CSMD1: variants seen among roughly 807,000 people sequenced by gnomAD.
The protein encoded by CSMD1 is CUB and sushi domain-containing protein 1.
CSMD1 carries 213 observed loss-of-function variants against 417.5 expected under a neutral mutation model. That is an observed-to-expected ratio of 0.51 (90% CI 0.46 to 0.57). CSMD1 has a LOEUF of 0.57. Ranked by LOEUF, CSMD1 falls within the 20% of genes least tolerant of loss-of-function variation. The pLI, the probability that CSMD1 is intolerant of heterozygous loss-of-function variation, is 0.00. For synonymous variants in CSMD1, 2,862 were observed against 1,736.8 expected (o/e 1.65, Z -16.11); for missense variants, 6,923 against 4,529.7 (o/e 1.53, Z -15.17).
Position 4,278,991 on chromosome 8 carries a change from TA to T in CSMD1, c.415+140961del, listed in dbSNP as rs1796636379. On this transcript the variant is annotated intron_variant, in intron 3 of 69. Coordinates refer to ENST00000635120, the MANE Select transcript of CSMD1 (RefSeq NM_033225.6). ...ATATGAAATAAGATTGCTATATTGT[TA>T]TAACTATTTACTGACAGTTGTTAAA... 2.0e-5 allele frequency among the ~76,000 whole-genome samples: 3 copies of T among 152,226 alleles called. 1 individual carries two copies. In the South Asian group the frequency reaches 6.2e-4, roughly 31 times the overall value.
chr8:4,355,514 G>C (rs150219322), intron 3 of CSMD1, among the ~76,000 whole-genome samples: 2 of 152,256 alleles, frequency 1.3e-5, no homozygotes, highest in South Asian at 2.1e-4. Flanking sequence ...ACATTCAGTA[G>C]TTTAGTAAAG....
chr8:4,051,269 A>G (rs1389183079), intron 3 of CSMD1, among the ~76,000 whole-genome samples: 1 of 151,220 alleles, frequency 6.6e-6, no homozygotes, highest in Non-Finnish European at 1.5e-5. Context: ...CAACAGTTTT[A>G]CAAAGCCTGC....
intron 1 of CSMD1, among the ~76,000 whole-genome samples, chr8:4,872,282 G>C (rs1038287928): frequency 6.6e-6 from 1 of 151,972 alleles, no homozygotes; most frequent in Non-Finnish European, 1.5e-5. Context: ...GCCTGATATG[G>C]TTAGGCTTTG....
intron 2 of CSMD1, among the ~76,000 whole-genome samples, chr8:4,562,199 C>A (rs1798372960): frequency 6.6e-6 from 1 of 152,306 alleles, no homozygotes; most frequent in Admixed American, 6.5e-5. Context: ...TAGAAACAGA[C>A]ACTTGAGCCA....
At chr8:3,961,986 C>G (rs1235433587) in intron 5 of CSMD1, among the ~76,000 whole-genome samples, 1 of 152,164 alleles carries the variant, frequency 6.6e-6, no homozygotes, top group African/African-American at 2.4e-5. Context: ...CAAAACATCA[C>G]AAAGTTGCAC....
chr8:4,351,744 C>A (rs1209128583), intron 3 of CSMD1, among the ~76,000 whole-genome samples: 2 of 152,106 alleles, frequency 1.3e-5, no homozygotes, highest in Non-Finnish European at 2.9e-5. Context: ...CTAGGTTGAG[C>A]AAGACCCACT....
intron 4 of CSMD1, among the ~76,000 whole-genome samples, chr8:4,006,491 C>G (rs1039342270): frequency 1.3e-5 from 2 of 152,092 alleles, no homozygotes; most frequent in African/African-American, 4.8e-5. Context: ...TTGCAGTGAG[C>G]CAAGATCACC....
intron 10 of CSMD1, among the ~76,000 whole-genome samples, chr8:3,511,400 G>C (rs10101471): frequency 0.025 from 3,727 of 151,516 alleles, 63 homozygotes; most frequent in Middle Eastern, 0.071. Flanking sequence ...TCCTTAACTG[G>C]CATGTTATAG....
rs554788858 is a variant in CSMD1, at chr8:3,266,231, G to A, written c.4153+17913C>T. 3.2e-4 allele frequency among the ~76,000 whole-genome samples: 48 copies of A among 150,984 alleles called. No homozygotes were observed. The Middle Eastern group carries it at 0.01, about 32-fold the overall frequency. ...GTGGCCAGGGAGTCAGGGGGCTCCC[G>A]GGATGATCATGAAAACCTAGACGAA... On this transcript the variant is annotated intron_variant, in intron 26 of 69. Transcript: ENST00000635120.
chr8:3,312,904 G>A (rs1399159389), intron 23 of CSMD1, among the ~76,000 whole-genome samples: 2 of 152,114 alleles, frequency 1.3e-5, no homozygotes, highest in African/African-American at 4.8e-5. Context: ...TTCCCTCTCT[G>A]CAAATTGCAT....
intron 8 of CSMD1, among the ~76,000 whole-genome samples, chr8:3,595,188 C>T (rs936964927): frequency 6.6e-6 from 1 of 152,110 alleles, no homozygotes; most frequent in Non-Finnish European, 1.5e-5. Flanking sequence ...CTTAGGGACA[C>T]GATCCTAATA....
At chr8:2,989,238 T>C (rs1012506644) in intron 54 of CSMD1, among the ~76,000 whole-genome samples, 2 of 152,242 alleles carry the variant, frequency 1.3e-5, no homozygotes, top group Non-Finnish European at 2.9e-5. Flanking sequence ...CATTGTTTCC[T>C]GAAGCTTCAC....
intron 3 of CSMD1, among the ~76,000 whole-genome samples, chr8:4,245,289 A>G (rs1012731355): frequency 2.0e-5 from 3 of 152,320 alleles, no homozygotes; most frequent in Admixed American, 6.5e-5. Flanking sequence ...ATATGTTAAC[A>G]CAACAAACAC....
chr8:3,085,231 A>G (rs529226225), intron 49 of CSMD1, among the ~76,000 whole-genome samples: 2 of 152,314 alleles, frequency 1.3e-5, no homozygotes, highest in African/African-American at 4.8e-5. Context: ...AAGTAGTTCA[A>G]CTGGATTGTT....
At chr8:4,674,133 A>G (rs1805526803) in intron 1 of CSMD1, among the ~76,000 whole-genome samples, 1 of 152,224 alleles carries the variant, frequency 6.6e-6, no homozygotes, top group Non-Finnish European at 1.5e-5. Context: ...ATCTCACAGC[A>G]GATGTCCACT....
intron 23 of CSMD1, among the ~76,000 whole-genome samples, chr8:3,317,232 C>T (rs898367692): frequency 6.6e-6 from 1 of 152,176 alleles, no homozygotes; most frequent in Non-Finnish European, 1.5e-5. Context: ...AGGAATACAT[C>T]TTTCATTGAT....
At chr8:3,142,197 A>C (rs1042770235) in intron 41 of CSMD1, among the ~76,000 whole-genome samples, 3 of 151,942 alleles carry the variant, frequency 2.0e-5, no homozygotes, top group African/African-American at 7.3e-5. Context: ...TGCGTGAATT[A>C]CTCTTTCTCC....
chr8:3,974,222 G>C (rs929743366), intron 5 of CSMD1, among the ~76,000 whole-genome samples: 3 of 151,788 alleles, frequency 2.0e-5, no homozygotes, highest in African/African-American at 4.8e-5. Context: ...CCTTTCATAA[G>C]AGTTATTTTT....
At chr8:4,868,075 T>C (rs1243371813) in intron 1 of CSMD1, among the ~76,000 whole-genome samples, 1 of 152,084 alleles carries the variant, frequency 6.6e-6, no homozygotes, top group Non-Finnish European at 1.5e-5. Context: ...TCTTATTTAC[T>C]GGAAAAAGCA....
Sources: allele counts gnomAD v4.1 joint callset (sites outside exome capture counted in the v4.1 genomes callset), GRCh38; gene constraint gnomAD v4.1.1; transcripts MANE v1.5; gene names NCBI Gene and HGNC (gene_info 2026-07-23, HGNC 2026-07-21).